Variants in NAV3 observed in about 807,000 individuals in gnomAD.
NAV3 encodes the protein neuron navigator 3.
Under a neutral mutation model 244.7 loss-of-function variants are expected in NAV3, and 87 were observed. The observed-to-expected ratio is 0.36, with a 90% CI of 0.30 to 0.42. NAV3 has a LOEUF of 0.42. Ranked by LOEUF, NAV3 falls within the 20% of genes least tolerant of loss-of-function variation. NAV3 has a pLI of 1.00. For synonymous variants in NAV3, 1,126 were observed against 1,042.2 expected (o/e 1.08, Z -1.55); for missense variants, 2,663 against 2,893.3 (o/e 0.92, Z 1.83).
At chr12:78,124,329 A>T (rs1386745672) in intron 16 of NAV3, among the ~76,000 whole-genome samples, 1 of 152,242 alleles carries the variant, frequency 6.6e-6, no homozygotes, top group African/African-American at 2.4e-5. Flanking sequence ...AACTGAAGTC[A>T]ATAAAATTTT....
At chr12:77,742,288 C>T (rs933865329) in intron 2 of NAV3, among the ~76,000 whole-genome samples, 4 of 151,930 alleles carry the variant, frequency 2.6e-5, no homozygotes, top group African/African-American at 9.7e-5. Context: ...ACTTTAGTTT[C>T]CTTGCAGTCC....
chr12:77,739,062 TTCTGTTCAAATCCTGGCTCTAGCCCTAAC>T (rs1868279782), intron 2 of NAV3, among the ~76,000 whole-genome samples: 1 of 147,188 alleles, frequency 6.8e-6, no homozygotes. Flanking sequence ...GGAACTAGAC[TTCTGTTCAAATCCTGGCTCTAGCCCTAAC>T]TAGTTGTGTG....
intron 9 of NAV3, among the ~76,000 whole-genome samples, chr12:78,047,464 G>T (rs904373938): frequency 1.6e-4 from 24 of 152,108 alleles, no homozygotes; most frequent in African/African-American, 5.8e-4. Context: ...TCCAGCCTGG[G>T]TGACAGAGCA....
chr12:77,877,248 T>C (rs911635150), intron 1 of NAV3, among the ~76,000 whole-genome samples: 42 of 152,136 alleles, frequency 2.8e-4, no homozygotes, highest in African/African-American at 9.6e-4. Context: ...CATCTCTACA[T>C]TGGTGTAATC....
At chr12:77,758,233 C>T (rs1869282502) in intron 2 of NAV3, among the ~76,000 whole-genome samples, 1 of 151,988 alleles carries the variant, frequency 6.6e-6, no homozygotes, top group Non-Finnish European at 1.5e-5. Context: ...ATACTTTTTT[C>T]CTGTTTTGAT....
intron 2 of NAV3, among the ~76,000 whole-genome samples, chr12:77,581,015 AC>A (rs1179664144): frequency 2.0e-5 from 3 of 152,182 alleles, no homozygotes; most frequent in African/African-American, 7.2e-5. Flanking sequence ...TAACAATGTA[AC>A]TTGGGGATCA....
intron 2 of NAV3, among the ~76,000 whole-genome samples, chr12:77,601,577 T>C (rs1870430490): frequency 6.6e-6 from 1 of 151,934 alleles, no homozygotes; most frequent in South Asian, 2.1e-4. Flanking sequence ...GAGCATGTGG[T>C]GCATAGTAAG....
intron 2 of NAV3, among the ~76,000 whole-genome samples, chr12:77,794,800 T>C (rs1041376443): frequency 6.6e-6 from 1 of 152,208 alleles, no homozygotes; most frequent in Non-Finnish European, 1.5e-5. Context: ...TTTGATGTTA[T>C]GTTGTAATTG....
intron 2 of NAV3, among the ~76,000 whole-genome samples, chr12:77,683,613 A>C (rs1370911225): frequency 6.6e-6 from 1 of 152,168 alleles, no homozygotes; most frequent in Non-Finnish European, 1.5e-5. Flanking sequence ...GCTTTGGGTA[A>C]TATGGGCATT....
chr12:77,866,096 A>G (rs982500345), intron 1 of NAV3, among the ~76,000 whole-genome samples: 1 of 152,202 alleles, frequency 6.6e-6, no homozygotes, highest in Non-Finnish European at 1.5e-5. Context: ...CACATAGTTC[A>G]AAAGCAGAAA....
chr12:77,659,438 A>G (rs1365004440), intron 2 of NAV3, among the ~76,000 whole-genome samples: 1 of 152,208 alleles, frequency 6.6e-6, no homozygotes, highest in Non-Finnish European at 1.5e-5. Context: ...TAGAATGGTG[A>G]TCATTAAAAA....
At chr12:78,093,911 T>C (rs2138073246) in intron 12 of NAV3, among the ~76,000 whole-genome samples, 1 of 152,260 alleles carries the variant, frequency 6.6e-6, no homozygotes, top group South Asian at 2.1e-4. Context: ...ACAATCATAG[T>C]TCAGTGCAGC....
chr12:78,184,474 G>C (rs570860234), intron 30 of NAV3, among the ~76,000 whole-genome samples: 9 of 151,914 alleles, frequency 5.9e-5, no homozygotes, highest in African/African-American at 2.2e-4. Flanking sequence ...TTAAACTCCA[G>C]TGCAGGAGAT....
chr12:77,857,304 A>G (rs1878537343), intron 1 of NAV3, among the ~76,000 whole-genome samples: 1 of 152,090 alleles, frequency 6.6e-6, no homozygotes, highest in Admixed American at 6.6e-5. Context: ...CTGGAATAGC[A>G]TGCATCTTTA....
intron 2 of NAV3, among the ~76,000 whole-genome samples, chr12:77,638,801 C>T (rs2136944956): frequency 6.6e-6 from 1 of 152,266 alleles, no homozygotes; most frequent in South Asian, 2.1e-4. Context: ...ATAGATATAT[C>T]ATATGAATTT....
intron 2 of NAV3, among the ~76,000 whole-genome samples, chr12:77,707,001 C>T (rs1343391450): frequency 3.3e-5 from 5 of 151,674 alleles, no homozygotes; most frequent in African/African-American, 9.7e-5. Context: ...CTCTTGTCTA[C>T]CTACGAAATT....
rs7316540 is a variant in NAV3, at chr12:77,840,873, G to T, written c.243+9169G>T. Among the ~76,000 whole-genome samples the T allele has an allele frequency of 1.4e-3, 210 of 152,254 alleles. 1 individual carries two copies. The highest frequency in any genetic ancestry group is 4.9e-3 in the African/African-American group (205 of 41,550). ...CCTCACAACAATGTATAGACAATCA[G>T]CAGTCAAAATCAATGTTATTCTTTA... On this transcript the variant is annotated intron_variant, in intron 1 of 39. Transcript: ENST00000397909.
intron 19 of NAV3, among the ~76,000 whole-genome samples, chr12:78,137,843 T>G (rs1956440133): frequency 6.6e-6 from 1 of 152,150 alleles, no homozygotes; most frequent in Non-Finnish European, 1.5e-5. Flanking sequence ...GCTTTATAAG[T>G]CACTATTTCT....
intron 2 of NAV3, among the ~76,000 whole-genome samples, chr12:77,708,345 T>C (rs913044998): frequency 1.3e-5 from 2 of 152,210 alleles, no homozygotes; most frequent in African/African-American, 4.8e-5. Context: ...TTTTGTCAGG[T>C]TTGTCAAAGA....
Sources: allele counts gnomAD v4.1 joint callset (sites outside exome capture counted in the v4.1 genomes callset), GRCh38; gene constraint gnomAD v4.1.1; transcripts MANE v1.5; gene names NCBI Gene and HGNC (gene_info 2026-07-23, HGNC 2026-07-21).